CMTM3: variants seen among roughly 807,000 people sequenced by gnomAD.
CMTM3 encodes the protein CKLF-like MARVEL transmembrane domain-containing protein 3.
CMTM3 carries 7 observed loss-of-function variants against 18.2 expected under a neutral mutation model. The observed-to-expected ratio is 0.38, with a 90% CI of 0.22 to 0.72. The LOEUF is 0.72. Ranked by LOEUF, CMTM3 falls within the 30% of genes least tolerant of loss-of-function variation. The probability of loss-of-function intolerance (pLI) is 0.46; values close to 1 mark genes in which losing one functional copy is unlikely to be tolerated. For missense variants in CMTM3, 227 were observed against 249.2 expected, an observed-to-expected ratio of 0.91 and a Z score of 0.60; for synonymous variants, 109 against 111.2, an observed-to-expected ratio of 0.98 and a Z score of 0.12.
chr16:66,611,428 G>A (rs776003584), intron 4 of CMTM3, among the ~76,000 whole-genome samples: 2 of 152,082 alleles, frequency 1.3e-5, no homozygotes, highest in Admixed American at 6.5e-5. Context: ...CAGCCTGGGC[G>A]ACAGAGTGAG....
Position 66,612,394 on chromosome 16 carries a change from A to AC in CMTM3, c.521-215_521-214insC, listed in dbSNP as rs1474040726. ...GTCTCAAAGACAAAAAACAACAACAAAAAAAAAAGAGAGAGAGAAAGTGGC... is the reference window on the plus strand; with the variant it reads ...GTCTCAAAGACAAAAAACAACAACAACAAAAAAAAGAGAGAGAGAAAGTGGC... On this transcript the variant is annotated intron_variant, in intron 4 of 4. Transcript: ENST00000567572. This position sits in a 1 kb window ranked among gnomAD's most constrained non-coding sequence, Gnocchi z 6.0. Among the ~76,000 whole-genome samples, 1 of 150,420 alleles carries AC rather than the reference A, an allele frequency of 6.6e-6. No individual in the cohort carries two copies. Among genetic ancestry groups the AC allele is most frequent in the Non-Finnish European group, 1.5e-5 (1 of 67,376 alleles).
In CMTM3 at chr16:66,613,222, C is replaced by T. The variant is rs1337468041; in HGVS notation, c.*585C>T. 7.3e-6 allele frequency: 5 copies of T among 685,088 alleles called. No individual in the cohort carries two copies. The highest frequency in any genetic ancestry group is 3.1e-5 in the South Asian group (2 of 65,322). The allele number at this position is 685,088 out of a possible 1,614,324, so 42.4% of individuals were successfully genotyped here. A position where few individuals can be genotyped will look rare whatever the true frequency, so the allele number is the denominator to read the frequency against. ...GCCTTGTCGCCCAGGAAGTGGGGCT[C>T]GGCACCCATAACTAACACCTCCCAC... On this transcript the variant is annotated 3_prime_UTR_variant, in exon 5 of 5. Transcript: ENST00000567572.
In CMTM3 at chr16:66,605,178, C is replaced by T. The variant is rs1298070761; in HGVS notation, c.147+226C>T. 9.5e-6 allele frequency: 4 copies of T among 422,226 alleles called. No homozygotes were observed. Among genetic ancestry groups the T allele is most frequent in the Non-Finnish European group, 1.7e-5 (4 of 239,122 alleles). The allele number at this position is 422,226 out of a possible 1,614,324, so 26.2% of individuals were successfully genotyped here. Reference sequence around the variant, plus strand: ...GCCCAGGCCATCCGCGGCGCTGTCCCCGCGAGTCCAGAGCTGGGGGCCGTG... The same window carrying T: ...GCCCAGGCCATCCGCGGCGCTGTCCTCGCGAGTCCAGAGCTGGGGGCCGTG... On this transcript the variant is annotated intron_variant, in intron 1 of 4. Coordinates refer to ENST00000567572, the MANE Select transcript of CMTM3 (RefSeq NM_181553.4). This position sits in a 1 kb window ranked among gnomAD's most constrained non-coding sequence, Gnocchi z 4.6.
intron 4 of CMTM3, chr16:66,611,150 T>C (rs2015361502): frequency 1.8e-5 from 6 of 326,716 alleles, no homozygotes; most frequent in South Asian, 1.6e-4. Context: ...TCTTGACTTA[T>C]ATGTTAGAAT....
chr16:66,609,313 G>A lies in CMTM3; in HGVS notation c.304-122G>A, dbSNP rs1567394545. On this transcript the variant is annotated intron_variant, in intron 2 of 4. Coordinates refer to ENST00000567572, the MANE Select transcript of CMTM3 (RefSeq NM_181553.4). This position sits in a 1 kb window ranked among gnomAD's most constrained non-coding sequence, Gnocchi z 4.4. The stretch of plus-strand genomic sequence containing the variant: ...GGGCCTAGGCATGTGGGTGGGGCCA[G>A]GATGGGATAGGAGCCCTCAGGTGCT... 1.2e-6 allele frequency: 1 copy of A among 802,566 alleles called. No homozygotes were observed. Among genetic ancestry groups the A allele is most frequent in the Non-Finnish European group, 2.0e-6 (1 of 501,620 alleles). The allele number at this position is 802,566 out of a possible 1,614,324, so 49.7% of individuals were successfully genotyped here.
At position 66,608,705 on chromosome 16, in the gene CMTM3, G is replaced by A. The variant is rs2015254332; in HGVS notation, c.303+241G>A. ...TGTGAGGCAGGGAACCCGGAGAGGG[G>A]TCTCTGGCCACCAGGTGGCGCCGGT... On this transcript the variant is annotated intron_variant, in intron 2 of 4. Transcript: ENST00000567572. This position sits in a 1 kb window ranked among gnomAD's most constrained non-coding sequence, Gnocchi z 5.1. Among the ~76,000 whole-genome samples the A allele has an allele frequency of 6.6e-6, 1 of 152,192 alleles. No individual in the cohort carries two copies. The highest frequency in any genetic ancestry group is 2.4e-5 in the African/African-American group (1 of 41,448).
At position 66,610,147 on chromosome 16, in the gene CMTM3, C is replaced by T; in HGVS notation, c.520+144C>T. ...GTTTTCACAGCCCATTCTCACCTAC[C>T]CTCATGCAGCACTGATCCAAAGCCA... On this transcript the variant is annotated intron_variant, in intron 4 of 4. Coordinates refer to ENST00000567572, the MANE Select transcript of CMTM3 (RefSeq NM_181553.4). The surrounding 1 kb of genome is among the most constrained non-coding windows in gnomAD (Gnocchi z 4.6). 9.9e-7 allele frequency: 1 copy of T among 1,012,750 alleles called. No homozygotes were observed. The highest frequency in any genetic ancestry group is 2.5e-5 in the East Asian group (1 of 40,662). The allele number at this position is 1,012,750 out of a possible 1,614,324, so 62.7% of individuals were successfully genotyped here.
chr16:66,604,316 A>T (rs146585124), upstream of CMTM3: 1,037 of 151,514 alleles, frequency 6.8e-3, 7 homozygotes, highest in Middle Eastern at 0.02. Flanking sequence ...TCGCAAGAAA[A>T]CTCCGGCCCC....
Position 66,604,817 on chromosome 16 carries a change from A to AGACCCC in CMTM3, c.24_29dup (p.Asp11_Pro12dup), listed in dbSNP as rs1327499737. 1.6e-4 allele frequency: 201 copies of AGACCCC among 1,282,200 alleles called. 1 individual carries two copies. The highest frequency in any genetic ancestry group is 1.9e-4 in the Non-Finnish European group (190 of 1,020,308). The allele number at this position is 1,282,200 out of a possible 1,614,324, so 79.4% of individuals were successfully genotyped here. ...CCGCCGCCGCCGCCATGTGGCCCCC[A>AGACCCC]GACCCCGACCCCGACCCGGACCCCG... On this transcript the variant is annotated inframe_insertion, in exon 1 of 5. Transcript: ENST00000567572.
chr16:66,611,456 A>T (rs1475153285), intron 4 of CMTM3, among the ~76,000 whole-genome samples: 1 of 152,062 alleles, frequency 6.6e-6, no homozygotes. Context: ...CTCGGGGGGA[A>T]AAAATTGAAT....
chr16:66,606,593 G>C (rs1336346349), intron 1 of CMTM3, among the ~76,000 whole-genome samples: 3 of 152,162 alleles, frequency 2.0e-5, no homozygotes, highest in Non-Finnish European at 1.5e-5. Context: ...GGGGACTCCT[G>C]CACCCACTAG....
In CMTM3 at chr16:66,605,243, G is replaced by A. The variant is rs2015095428; in HGVS notation, c.147+291G>A. On this transcript the variant is annotated intron_variant, in intron 1 of 4. Transcript: ENST00000567572. This position sits in a 1 kb window ranked among gnomAD's most constrained non-coding sequence, Gnocchi z 4.6. ...CCCGGGGATGTGGGTCCTGCTGTGTGAGCCAGGCGCCCCCGCCCTCTCTGG... is the reference window on the plus strand; with the variant it reads ...CCCGGGGATGTGGGTCCTGCTGTGTAAGCCAGGCGCCCCCGCCCTCTCTGG... 2 of 284,928 alleles carry A rather than the reference G, an allele frequency of 7.0e-6. No individual in the cohort carries two copies. Among genetic ancestry groups the A allele is most frequent in the African/African-American group, 2.2e-5 (1 of 45,446 alleles). The allele number at this position is 284,928 out of a possible 1,614,324, so 17.6% of individuals were successfully genotyped here.
chr16:66,613,377 G>A lies in CMTM3; in HGVS notation c.*740G>A. 4.3e-6 allele frequency: 2 copies of A among 469,660 alleles called. No homozygotes were observed. Among genetic ancestry groups the A allele is most frequent in the Non-Finnish European group, 7.7e-6 (2 of 260,328 alleles). 29.1% of individuals were successfully genotyped at this position (469,660 alleles called of 1,614,324 possible). ...AGTGGCATCACAGTGACAGTGTCAT[G>A]GGGAGCTGGGCGGGCCCAGCCAAAC... is the stretch of plus-strand genomic sequence containing the variant. On this transcript the variant is annotated 3_prime_UTR_variant, in exon 5 of 5. Coordinates refer to ENST00000567572, the MANE Select transcript of CMTM3 (RefSeq NM_181553.4).
At position 66,612,867 on chromosome 16, in the gene CMTM3, T is replaced by G; in HGVS notation, c.*230T>G. ...TATGAGGGCATCTTGGGTATCCCAC[T>G]CCTTCTCCCCATTTCTGTCCCACAG... is the stretch of plus-strand genomic sequence containing the variant. On this transcript the variant is annotated 3_prime_UTR_variant, in exon 5 of 5. Transcript: ENST00000567572. The surrounding 1 kb of genome is among the most constrained non-coding windows in gnomAD (Gnocchi z 6.0). 1 of 610,044 alleles carries G rather than the reference T, an allele frequency of 1.6e-6. No homozygotes were observed. The highest frequency in any genetic ancestry group is 2.9e-6 in the Non-Finnish European group (1 of 341,220). The allele number at this position is 610,044 out of a possible 1,614,324, so 37.8% of individuals were successfully genotyped here.
At position 66,609,927 on chromosome 16, in the gene CMTM3, C is replaced by G; in HGVS notation, c.444C>G (p.Tyr148Ter). ...CCATCGTGTTTGCAACTGATTTCTA[C>G]CTGATCTTTAACGACGTGGCCAAAT... The part of the protein sequence containing the change: ...FATIVFATDF[Y>*]LIFNDVAKFL... Residue 148 changes from tyrosine to a stop codon, truncating the protein, a stop_gained, in exon 4 of 5, where the codon TAC becomes TAG. Transcript: ENST00000567572. LOFTEE classifies it high-confidence loss of function. The surrounding 1 kb of genome is among the most constrained non-coding windows in gnomAD (Gnocchi z 4.4). The G allele has an allele frequency of 1.9e-6, 3 of 1,614,174 alleles. No homozygotes were observed. The highest frequency in any genetic ancestry group is 2.5e-6 in the Non-Finnish European group (3 of 1,180,024).
rs145620060 is a variant in CMTM3, at chr16:66,605,732, G to C, written c.147+780G>C. On this transcript the variant is annotated intron_variant, in intron 1 of 4. Transcript: ENST00000567572. This position sits in a 1 kb window ranked among gnomAD's most constrained non-coding sequence, Gnocchi z 4.6. ...CCCACTTTACAGATGAGAGCGCTCA[G>C]GCGCCTGATTTGACAGGTGGCTCAA... is the stretch of plus-strand genomic sequence containing the variant. Among the ~76,000 whole-genome samples the C allele has an allele frequency of 4.3e-3, 661 of 152,364 alleles. 3 individuals are homozygous for C. The highest frequency in any genetic ancestry group is 0.014 in the African/African-American group (596 of 41,588).
rs773208729 is a variant in CMTM3, at chr16:66,610,015, C to T, written c.520+12C>T. On this transcript the variant is annotated intron_variant, in intron 4 of 4. Transcript: ENST00000567572. The surrounding 1 kb of genome is among the most constrained non-coding windows in gnomAD (Gnocchi z 4.6). ...CCACAAGACAGAAGGTAAGCGGCTG[C>T]CCTGATCACCCCAGCAGTGCTGCAA... 181 of 1,613,996 alleles carry T rather than the reference C, an allele frequency of 1.1e-4. No homozygotes were observed. Among genetic ancestry groups the T allele is most frequent in the Non-Finnish European group, 1.5e-4 (174 of 1,180,022 alleles).
chr16:66,611,448 C>CG (rs757115474), intron 4 of CMTM3, among the ~76,000 whole-genome samples: 2 of 151,812 alleles, frequency 1.3e-5, no homozygotes, highest in African/African-American at 2.4e-5. Context: ...GACTCCATCT[C>CG]GGGGGGAAAA....
Position 66,610,023 on chromosome 16 carries a change from AC to A in CMTM3, c.520+24del, listed in dbSNP as rs2015316810. On this transcript the variant is annotated intron_variant, in intron 4 of 4. Coordinates refer to ENST00000567572, the MANE Select transcript of CMTM3 (RefSeq NM_181553.4). The surrounding 1 kb of genome is among the most constrained non-coding windows in gnomAD (Gnocchi z 4.6). ...CAGAAGGTAAGCGGCTGCCCTGATC[AC>A]CCCAGCAGTGCTGCAACAGGGGCCT... The A allele has an allele frequency of 6.2e-7, 1 of 1,612,896 alleles. No individual in the cohort carries two copies. Among genetic ancestry groups the A allele is most frequent in the Non-Finnish European group, 8.5e-7 (1 of 1,179,360 alleles).
Sources: allele counts gnomAD v4.1 joint callset (sites outside exome capture counted in the v4.1 genomes callset), GRCh38; gene constraint gnomAD v4.1.1; non-coding constraint Gnocchi (gnomAD v3.1); transcripts MANE v1.5; gene names NCBI Gene and HGNC (gene_info 2026-07-23, HGNC 2026-07-21).